The following GRID2 variants were observed in gnomAD, a reference collection of about 807,000 sequenced individuals.
The protein encoded by GRID2 is glutamate receptor ionotropic, delta-2.
A neutral mutation model predicts 114.8 loss-of-function variants in GRID2; 33 were observed. That is an observed-to-expected ratio of 0.29 (90% CI 0.22 to 0.38). GRID2 has a LOEUF of 0.38. Ranked by LOEUF, GRID2 falls within the 10% of genes least tolerant of loss-of-function variation. GRID2 has a pLI of 1.00. For synonymous variants in GRID2, 505 were observed against 449.9 expected, an observed-to-expected ratio of 1.12 and a Z score of -1.55; for missense variants, 1,184 against 1,257.7, an observed-to-expected ratio of 0.94 and a Z score of 0.89.
At chr4:92,854,647 T>C (rs1171500920) in intron 2 of GRID2, among the ~76,000 whole-genome samples, 1 of 151,532 alleles carries the variant, frequency 6.6e-6, no homozygotes, top group Non-Finnish European at 1.5e-5. Context: ...TCAGGAAAAG[T>C]AAACTTTAAA....
intron 8 of GRID2, among the ~76,000 whole-genome samples, chr4:93,294,894 G>C (rs923212975): frequency 4.6e-5 from 7 of 151,910 alleles, no homozygotes; most frequent in Non-Finnish European, 8.8e-5. Context: ...AAGTGTCCCT[G>C]TTTGTGATAA....
At chr4:93,470,853 T>A (rs1357044695) in intron 11 of GRID2, among the ~76,000 whole-genome samples, 1 of 152,116 alleles carries the variant, frequency 6.6e-6, no homozygotes, top group Non-Finnish European at 1.5e-5. Context: ...CTAAACAGTC[T>A]TATTAAGAGC....
chr4:92,456,485 T>A (rs554862435), intron 1 of GRID2, among the ~76,000 whole-genome samples: 9 of 152,256 alleles, frequency 5.9e-5, no homozygotes, highest in Admixed American at 5.9e-4. Flanking sequence ...CTTTTTCTAC[T>A]AAATTCAAAC....
intron 1 of GRID2, among the ~76,000 whole-genome samples, chr4:92,447,516 A>G (rs1283582462): frequency 6.6e-6 from 1 of 152,128 alleles, no homozygotes; most frequent in Non-Finnish European, 1.5e-5. Flanking sequence ...CAGTTCTATT[A>G]TTTTCCTATC....
At chr4:92,707,704 C>T (rs974068854) in intron 2 of GRID2, among the ~76,000 whole-genome samples, 42 of 151,886 alleles carry the variant, frequency 2.8e-4, no homozygotes, top group African/African-American at 1.5e-4. Flanking sequence ...AAATATTGTG[C>T]GAAAATAACA....
At chr4:92,448,666 A>C (rs2149076166) in intron 1 of GRID2, among the ~76,000 whole-genome samples, 1 of 151,674 alleles carries the variant, frequency 6.6e-6, no homozygotes, top group Admixed American at 6.6e-5. Context: ...ATTTAATTTT[A>C]TGGAATTTAT....
rs1560481857 is a variant in GRID2, at chr4:92,600,039, TGTGTG to T, written c.244+9754_244+9758del. ...TACTTCATGTATGTGTGTGTGTGTG[TGTGTG>T]TATATATATATATATATATATATAT... On this transcript the variant is annotated intron_variant, in intron 2 of 15. Transcript: ENST00000282020. Among the ~76,000 whole-genome samples, 368 of 80,492 alleles carry T rather than the reference TGTGTG, an allele frequency of 4.6e-3. 5 individuals carry two copies. The highest frequency in any genetic ancestry group is 7.9e-3 in the African/African-American group (166 of 20,882). 52.8% of individuals were successfully genotyped at this position (80,492 alleles called of 152,430 possible).
At chr4:93,568,821 CA>C (rs1735673063) in intron 13 of GRID2, among the ~76,000 whole-genome samples, 1 of 152,120 alleles carries the variant, frequency 6.6e-6, no homozygotes, top group African/African-American at 2.4e-5. Context: ...AACAACTCAT[CA>C]GGGGGCCACA....
intron 4 of GRID2, among the ~76,000 whole-genome samples, chr4:93,155,286 G>A (rs1043640011): frequency 6.6e-6 from 1 of 151,828 alleles, no homozygotes; most frequent in African/African-American, 2.4e-5. Context: ...GGATGTTCTA[G>A]CCATTCTGAA....
intron 8 of GRID2, among the ~76,000 whole-genome samples, chr4:93,305,522 T>G (rs773479690): frequency 6.6e-6 from 1 of 152,100 alleles, no homozygotes; most frequent in Non-Finnish European, 1.5e-5. Context: ...CTTTCAATAT[T>G]GAGAGAGGTT....
intron 11 of GRID2, among the ~76,000 whole-genome samples, chr4:93,460,083 T>C (rs759121989): frequency 3.3e-5 from 5 of 152,194 alleles, no homozygotes; most frequent in Non-Finnish European, 7.3e-5. Flanking sequence ...TCCAGTGTTG[T>C]CTCCTGCAAA....
chr4:93,007,144 A>G (rs535789652), intron 2 of GRID2, among the ~76,000 whole-genome samples: 1 of 152,230 alleles, frequency 6.6e-6, no homozygotes, highest in Non-Finnish European at 1.5e-5. Flanking sequence ...ATAGATTCTA[A>G]TGAGTATTTT....
intron 1 of GRID2, among the ~76,000 whole-genome samples, chr4:92,331,167 G>A (rs1000828902): frequency 6.6e-6 from 1 of 152,080 alleles, no homozygotes; most frequent in South Asian, 2.1e-4. Flanking sequence ...GACTGACCTT[G>A]ATTTACTTTT....
chr4:93,023,194 G>A (rs1723561046), intron 2 of GRID2, among the ~76,000 whole-genome samples: 1 of 150,590 alleles, frequency 6.6e-6, no homozygotes, highest in Non-Finnish European at 1.5e-5. Flanking sequence ...TTAGTTAATG[G>A]TAGAAATAGC....
At chr4:92,957,041 T>C (rs914430809) in intron 2 of GRID2, among the ~76,000 whole-genome samples, 1 of 152,138 alleles carries the variant, frequency 6.6e-6, no homozygotes, top group African/African-American at 2.4e-5. Context: ...CTTGTAAATT[T>C]TGTATAATAG....
intron 8 of GRID2, among the ~76,000 whole-genome samples, chr4:93,255,182 A>T (rs1749427815): frequency 6.6e-6 from 1 of 152,030 alleles, no homozygotes; most frequent in South Asian, 2.1e-4. Context: ...AGTAGGCATT[A>T]TTTTTTCTGA....
At chr4:92,929,101 C>A (rs1750039371) in intron 2 of GRID2, among the ~76,000 whole-genome samples, 1 of 151,070 alleles carries the variant, frequency 6.6e-6, no homozygotes, top group Non-Finnish European at 1.5e-5. Flanking sequence ...TTCTTTTTGC[C>A]TATTAGAAAT....
At chr4:92,369,710 A>G (rs1729030455) in intron 1 of GRID2, among the ~76,000 whole-genome samples, 2 of 152,174 alleles carry the variant, frequency 1.3e-5, no homozygotes, top group East Asian at 3.9e-4. Context: ...AGGATCTTGG[A>G]AAGTTGTAGA....
At chr4:92,943,096 C>T (rs1190878402) in intron 2 of GRID2, among the ~76,000 whole-genome samples, 3 of 152,122 alleles carry the variant, frequency 2.0e-5, no homozygotes, top group Admixed American at 2.0e-4. Flanking sequence ...CTCTGTACTT[C>T]CTGAATTTGA....
Sources: gnomAD v4.1 joint callset for allele counts (sites outside exome capture counted in the v4.1 genomes callset) on GRCh38, gnomAD v4.1.1 for gene constraint, MANE v1.5 for transcripts, NCBI Gene and HGNC (gene_info 2026-07-23, HGNC 2026-07-21) for gene names.